Variants in ZNF862 observed in about 807,000 individuals in gnomAD.
ZNF862 encodes zinc finger protein 862.
ZNF862 carries 64 observed loss-of-function variants against 91.1 expected under a neutral mutation model. That is an observed-to-expected ratio of 0.70 (90% confidence interval 0.57 to 0.87). ZNF862 has a LOEUF of 0.87. Ranked by LOEUF, ZNF862 falls within the 40% of genes least tolerant of loss-of-function variation. The probability of loss-of-function intolerance (pLI) is 0.00; values close to 1 mark genes in which losing one functional copy is unlikely to be tolerated. For missense variants in ZNF862, 1,459 were observed against 1,528.0 expected (o/e 0.95, Z 0.75); for synonymous variants, 631 against 618.1 (o/e 1.02, Z -0.31).
At chr7:149,857,481 C>T (rs1035618439) in intron 5 of ZNF862, among the ~76,000 whole-genome samples, 3 of 152,068 alleles carry the variant, frequency 2.0e-5, no homozygotes, top group Non-Finnish European at 4.4e-5. Flanking sequence ...TATTAATTCT[C>T]ATTATTTTGA....
chr7:149,853,677 C>A (rs1400138626), intron 5 of ZNF862, among the ~76,000 whole-genome samples: 2 of 152,172 alleles, frequency 1.3e-5, no homozygotes, highest in African/African-American at 4.8e-5. Flanking sequence ...GTGGCTCACG[C>A]CTGTAATCCC....
In ZNF862 at chr7:149,850,060, T is replaced by C. The variant is rs1802007703; in HGVS notation, c.940-101T>C. 3 of 1,281,236 alleles carry C rather than the reference T, an allele frequency of 2.3e-6. No homozygotes were observed. The highest frequency in any genetic ancestry group is 3.3e-6 in the Non-Finnish European group (3 of 910,856). 79.4% of individuals were successfully genotyped at this position (1,281,236 alleles called of 1,614,324 possible). A position where few individuals can be genotyped will look rare whatever the true frequency, so the allele number is the denominator to read the frequency against. On this transcript the variant is annotated intron_variant, in intron 4 of 7. Transcript: ENST00000223210. This position sits in a 1 kb window ranked among gnomAD's most constrained non-coding sequence, Gnocchi z 4.2. ...CTCTGAGTGCATCTGGGCCTCTTGG[T>C]GAGCTTCCCAGGAGAAATAGGGCTT...
At position 149,865,486 on chromosome 7, in the gene ZNF862, C is replaced by T. The variant is rs1020869077; in HGVS notation, c.*1202C>T. 1 of 151,906 alleles carries T rather than the reference C, an allele frequency of 6.6e-6. No individual in the cohort carries two copies. The highest frequency in any genetic ancestry group is 1.5e-5 in the Non-Finnish European group (1 of 68,058). The allele number at this position is 151,906 out of a possible 1,614,324, so 9.4% of individuals were successfully genotyped here. On this transcript the variant is annotated 3_prime_UTR_variant, in exon 8 of 8. Coordinates refer to ENST00000223210, the MANE Select transcript of ZNF862 (RefSeq NM_001099220.3). Reference sequence around the variant, plus strand: ...AGCTTCAGAACCACAGAACCACCGCCCTAGAGGCACAGAGGGGCTTCTGGC... The same window carrying T: ...AGCTTCAGAACCACAGAACCACCGCTCTAGAGGCACAGAGGGGCTTCTGGC...
rs751973778 is a variant in ZNF862 at position 149,847,926 on chromosome 7, G to T, written c.433G>T (p.Val145Leu). The change falls in exon 4 of 8, where the codon GTG becomes TTG. Residue 145 changes from valine to leucine, a missense_variant. Coordinates refer to ENST00000223210, the MANE Select transcript of ZNF862 (RefSeq NM_001099220.3). ...CCGGTCCATCCAGAAGTCGTGGTTT[G>T]TGCAGTTTCCGTGGCTGATCATGAA... ...KPRSIQKSWF[V>L]QFPWLIMNEE... is the part of the protein sequence containing the mutation. The T allele has an allele frequency of 6.2e-7, 1 of 1,606,468 alleles. No individual in the cohort carries two copies. Among genetic ancestry groups the T allele is most frequent in the Non-Finnish European group, 8.5e-7 (1 of 1,176,262 alleles).
At chr7:149,846,064 A>G in intron 2 of ZNF862, 87 bp from the exon 3 acceptor site, 2 of 923,618 alleles carry the variant, frequency 2.2e-6, no homozygotes, top group Non-Finnish European at 3.4e-6. Context: ...TGTCGCAGAC[A>G]GATACCTCCT....
At position 149,864,434 on chromosome 7, in the gene ZNF862, G is replaced by T. The variant is rs1027833166; in HGVS notation, c.*150G>T. The T allele has an allele frequency of 2.7e-6, 2 of 748,680 alleles. No individual in the cohort carries two copies. Among genetic ancestry groups the T allele is most frequent in the Admixed American group, 2.9e-5 (1 of 34,768 alleles). The allele number at this position is 748,680 out of a possible 1,614,324, so 46.4% of individuals were successfully genotyped here. On this transcript the variant is annotated 3_prime_UTR_variant, in exon 8 of 8. Transcript: ENST00000223210. ...GCAGTGGCATCCCAGAGCAGCAGGG[G>T]TATCAGGAGGTGCATGACCTGTTTC...
chr7:149,861,573 C>T lies in ZNF862; in HGVS notation c.2413C>T (p.Pro805Ser). The T allele has an allele frequency of 6.3e-7, 1 of 1,594,370 alleles. No homozygotes were observed. Among genetic ancestry groups the T allele is most frequent in the Non-Finnish European group, 8.5e-7 (1 of 1,172,552 alleles). ...GCTGCACGCGCTGCTCGTGAGCTGG[C>T]CCGCCCTGGCCAGGCACCTCCAGAG... ...RTLHALLVSW[P>S]ALARHLQRVA... The change falls in exon 7 of 8, where the codon CCC becomes TCC. Residue 805 changes from proline (P) to serine (S), a missense_variant. Coordinates refer to ENST00000223210, the MANE Select transcript of ZNF862 (RefSeq NM_001099220.3). The surrounding 1 kb of genome is among the most constrained non-coding windows in gnomAD (Gnocchi z 6.7).
chr7:149,857,001 T>TACTA (rs1466056023), intron 5 of ZNF862, among the ~76,000 whole-genome samples: 7 of 152,250 alleles, frequency 4.6e-5, no homozygotes, highest in Non-Finnish European at 7.3e-5. Context: ...AGAGGTCTAG[T>TACTA]GCCTTCTTAT....
At chr7:149,844,837 C>A in intron 2 of ZNF862, 101 bp downstream of exon 2, 1 of 797,294 alleles carries the variant, frequency 1.3e-6, no homozygotes, top group Non-Finnish European at 2.1e-6. Context: ...GGAATCCAAG[C>A]ATTTGTCTAG....
chr7:149,856,919 G>A (rs763453278), intron 5 of ZNF862, among the ~76,000 whole-genome samples: 24 of 152,164 alleles, frequency 1.6e-4, no homozygotes, highest in Non-Finnish European at 2.9e-4. Flanking sequence ...GGGCATATAG[G>A]ATTCTAGGTT....
rs779635629 is a variant in ZNF862 at position 149,861,279 on chromosome 7, G to T, written c.2119G>T (p.Gly707Cys). The change falls in exon 7 of 8, where the codon GGC becomes TGC. Residue 707 changes from glycine (G) to cysteine (C), a missense_variant. Coordinates refer to ENST00000223210, the MANE Select transcript of ZNF862 (RefSeq NM_001099220.3). The surrounding 1 kb of genome is among the most constrained non-coding windows in gnomAD (Gnocchi z 6.7). ...DGSAMLSCRG[G>C]LVEKFQEVIP... ...CTCAGCCATGTTGAGCTGCAGAGGA[G>T]GCCTTGTGGAAAAGTTCCAGGAGGT... The T allele has an allele frequency of 3.7e-6, 6 of 1,612,476 alleles. No homozygotes were observed. The highest frequency in any genetic ancestry group is 1.6e-4 in the Middle Eastern group (1 of 6,062).
chr7:149,846,440 C>T (rs1050496432), intron 3 of ZNF862, among the ~76,000 whole-genome samples, 185 bp downstream of exon 3: 11 of 152,248 alleles, frequency 7.2e-5, no homozygotes, highest in African/African-American at 2.7e-4. Flanking sequence ...TCTCCAACCT[C>T]TCATCTCCCA....
chr7:149,861,186 T>C lies in ZNF862; in HGVS notation c.2026T>C (p.Ser676Pro). The C allele has an allele frequency of 1.2e-6, 2 of 1,612,882 alleles. No individual in the cohort carries two copies. The highest frequency in any genetic ancestry group is 1.7e-6 in the Non-Finnish European group (2 of 1,179,782). Residue 676 changes from serine (S) to proline (P), a missense_variant, in exon 7 of 8, where the codon TCT (serine) becomes CCT (proline). Physicochemically the swap from Ser to Pro is moderately conservative, Grantham distance 74. Coordinates refer to ENST00000223210, the MANE Select transcript of ZNF862 (RefSeq NM_001099220.3). This position sits in a 1 kb window ranked among gnomAD's most constrained non-coding sequence, Gnocchi z 6.7. ...AGATGGGTACTTCGAGACCATCGTT[T>C]CTGCCCTGGATGAGCTGGACATCCC... ...TADGYFETIV[S>P]ALDELDIPFR...
chr7:149,847,842 A>G lies in ZNF862; in HGVS notation c.349A>G (p.Thr117Ala), dbSNP rs1388170697. 2 of 1,613,652 alleles carry G rather than the reference A, an allele frequency of 1.2e-6. No individual in the cohort carries two copies. The highest frequency in any genetic ancestry group is 1.3e-5 in the African/African-American group (1 of 75,042). Reference protein sequence around the residue: ...QKKAYLSHLSTGSGHIEGDWA... With the variant: ...QKKAYLSHLSAGSGHIEGDWA... ...GAAAGCCTACCTTTCCCACCTCAGTACAGGCAGTGGACACATCGAGGGAGA... is the reference window on the plus strand; with the variant it reads ...GAAAGCCTACCTTTCCCACCTCAGTGCAGGCAGTGGACACATCGAGGGAGA... Residue 117 changes from threonine (T) to alanine (A), a missense_variant, in exon 4 of 8, where the codon ACA becomes GCA. Coordinates refer to ENST00000223210, the MANE Select transcript of ZNF862 (RefSeq NM_001099220.3).
Position 149,846,076 on chromosome 7 carries a change from C to T in ZNF862, c.137-75C>T, listed in dbSNP as rs533986342. 2.4e-5 allele frequency: 25 copies of T among 1,041,178 alleles called. No individual in the cohort carries two copies. In the East Asian group the frequency reaches 2.6e-4, roughly 11 times the overall value. The allele number at this position is 1,041,178 out of a possible 1,614,324, so 64.5% of individuals were successfully genotyped here. ...AGATGTCGCAGACAGATACCTCCTT[C>T]GTGTTGTGACCCGGAGCCAGGTCTT... On this transcript the variant is annotated intron_variant, in intron 2 of 7. Coordinates refer to ENST00000223210, the MANE Select transcript of ZNF862 (RefSeq NM_001099220.3).
Position 149,864,609 on chromosome 7 carries a change from G to A in ZNF862, c.*325G>A. The A allele has an allele frequency of 3.9e-6, 1 of 258,486 alleles. No homozygotes were observed. Among genetic ancestry groups the A allele is most frequent in the South Asian group, 7.0e-5 (1 of 14,364 alleles). 16.0% of individuals were successfully genotyped at this position (258,486 alleles called of 1,614,324 possible). ...GTTTTGGTGGCAAGAGGAGTGTCCTGGTAGGGGAGACTGTTGGACATCCCT... is the reference window on the plus strand; with the variant it reads ...GTTTTGGTGGCAAGAGGAGTGTCCTAGTAGGGGAGACTGTTGGACATCCCT... On this transcript the variant is annotated 3_prime_UTR_variant, in exon 8 of 8. Coordinates refer to ENST00000223210, the MANE Select transcript of ZNF862 (RefSeq NM_001099220.3).
chr7:149,848,227 C>G lies in ZNF862; in HGVS notation c.734C>G (p.Pro245Arg), dbSNP rs775923301. 3.1e-6 allele frequency: 5 copies of G among 1,613,822 alleles called. No individual in the cohort carries two copies. Among genetic ancestry groups the G allele is most frequent in the Non-Finnish European group, 4.2e-6 (5 of 1,179,814 alleles). Residue 245 changes from proline to arginine, a missense_variant, in exon 4 of 8, where the codon CCA (proline) becomes CGA (arginine). Pro to Arg is a moderately radical substitution (Grantham distance 103). Transcript: ENST00000223210. ...GCAGATTGCCCCATATTCTACCCCC[C>G]AGGGCCTCTGGGAGGATTTGATAGC... ...FTADCPIFYP[P>R]GPLGGFDSMA...
At chr7:149,842,942 G>C (rs1240301852) in intron 1 of ZNF862, among the ~76,000 whole-genome samples, 6 of 152,182 alleles carry the variant, frequency 3.9e-5, no homozygotes, top group Non-Finnish European at 7.3e-5. Flanking sequence ...AGCCACTCGA[G>C]CAAACAGTTA....
rs1007568961 is a variant in ZNF862 at position 149,848,893 on chromosome 7, A to G, written c.939+461A>G. On this transcript the variant is annotated intron_variant, in intron 4 of 7. Coordinates refer to ENST00000223210, the MANE Select transcript of ZNF862 (RefSeq NM_001099220.3). ...ATAGCTCACTGCAGCCTTTACCTCC[A>G]AGGCTCAAGCAATCCTTCCCACTCA... Among the ~76,000 whole-genome samples, 4 of 152,148 alleles carry G rather than the reference A, an allele frequency of 2.6e-5. No homozygotes were observed. In the East Asian group the frequency reaches 5.8e-4, roughly 22 times the overall value.
Sources: allele counts gnomAD v4.1 joint callset (sites outside exome capture counted in the v4.1 genomes callset), GRCh38; gene constraint gnomAD v4.1.1; non-coding constraint Gnocchi (gnomAD v3.1); transcripts MANE v1.5; gene names NCBI Gene and HGNC (gene_info 2026-07-23, HGNC 2026-07-21).